Variants in SLC39A14 observed in about 807,000 individuals in gnomAD.
SLC39A14 encodes solute carrier family 39 member 14.
Under a neutral mutation model 45.5 loss-of-function variants are expected in SLC39A14, and 19 were observed. That is an observed-to-expected ratio of 0.42 (90% confidence interval 0.29 to 0.61). SLC39A14 has a LOEUF of 0.61. Ranked by LOEUF, SLC39A14 falls within the 20% of genes least tolerant of loss-of-function variation. The probability of loss-of-function intolerance (pLI) is 0.22; values close to 1 mark genes in which losing one functional copy is unlikely to be tolerated. For synonymous variants in SLC39A14, 264 were observed against 251.3 expected, an observed-to-expected ratio of 1.05 and a Z score of -0.48; for missense variants, 447 against 616.5, an observed-to-expected ratio of 0.73 and a Z score of 2.91.
chr8:22,425,172 C>T (rs550678718), downstream of SLC39A14, among the ~76,000 whole-genome samples: 2 of 152,162 alleles, frequency 1.3e-5, no homozygotes, highest in East Asian at 3.9e-4. Flanking sequence ...TTACTCGGTC[C>T]ACCTTAATTT....
At chr8:22,419,276 C>T (rs930823329) in intron 8 of SLC39A14, among the ~76,000 whole-genome samples, 7 of 152,058 alleles carry the variant, frequency 4.6e-5, no homozygotes, top group South Asian at 2.1e-4. Context: ...CCTTGCCTTC[C>T]GGGTTCAAGC....
At chr8:22,371,083 C>T (rs1832902812) in intron 1 of SLC39A14, among the ~76,000 whole-genome samples, 1 of 152,200 alleles carries the variant, frequency 6.6e-6, no homozygotes, top group South Asian at 2.1e-4. Flanking sequence ...CTGGCAGAGG[C>T]AGAGACGCAG....
rs756167898 is a variant in SLC39A14 at position 22,404,805 on chromosome 8, C to T, written c.95C>T (p.Ser32Phe). Residue 32 changes from serine to phenylalanine, a missense_variant, in exon 2 of 9, where the codon TCC (serine) becomes TTC (phenylalanine). Ser to Phe is a radical substitution (Grantham distance 155, BLOSUM62 -2). This residue lies in a region of SLC39A14 where 342 missense variants were observed against 428.1 expected (regional missense o/e 0.80). Transcript: ENST00000381237. ...WRTTPEAHAS[S>F]LGAPAISAAS... ...ACCACCCCTGAGGCTCACGCTTCAT[C>T]CCTGGGTGCACCAGCTATCAGCGCT... 1.9e-6 allele frequency: 3 copies of T among 1,613,578 alleles called. No individual in the cohort carries two copies. The highest frequency in any genetic ancestry group is 1.1e-5 in the South Asian group (1 of 91,062).
intron 8 of SLC39A14, among the ~76,000 whole-genome samples, chr8:22,432,645 ATTTTT>A (rs35981745): frequency 1.8e-5 from 2 of 114,078 alleles, no homozygotes. Flanking sequence ...TGCCCGGCTA[ATTTTT>A]TTTTTTTTTT....
At chr8:22,423,484 C>T (rs943794685), downstream of SLC39A14, among the ~76,000 whole-genome samples, 21 of 151,940 alleles carry the variant, frequency 1.4e-4, 1 homozygote, top group Admixed American at 3.9e-4. Context: ...TACAGGTGCC[C>T]GCCACCACGC....
intron 8 of SLC39A14, among the ~76,000 whole-genome samples, chr8:22,433,641 C>G (rs60409707): frequency 6.6e-6 from 1 of 151,068 alleles, no homozygotes; most frequent in African/African-American, 2.4e-5. Flanking sequence ...CCTCAGAGAC[C>G]GCCCACCTCA....
intron 1 of SLC39A14, among the ~76,000 whole-genome samples, chr8:22,374,834 C>CT (rs984226727): frequency 2.0e-5 from 3 of 150,638 alleles, no homozygotes; most frequent in African/African-American, 7.4e-5. Flanking sequence ...GAAACCTCCC[C>CT]TCCTGAGCTC....
At chr8:22,394,208 T>C (rs2132254325) in intron 1 of SLC39A14, among the ~76,000 whole-genome samples, 1 of 152,092 alleles carries the variant, frequency 6.6e-6, no homozygotes, top group South Asian at 2.1e-4. Flanking sequence ...GGTTTCACCA[T>C]GTTGGCCAGG....
chr8:22,415,749 C>T lies in SLC39A14; in HGVS notation c.751-20C>T, dbSNP rs374669102. On this transcript the variant is annotated intron_variant, in intron 5 of 8. Coordinates refer to ENST00000381237, the MANE Select transcript of SLC39A14 (RefSeq NM_001128431.4). ...GGTTTTGGTGAATGTCATGCTGATC[C>T]CTCCCTGTCACCCTTCCAGCATCAT... is the stretch of plus-strand genomic sequence containing the variant. The T allele has an allele frequency of 9.4e-6, 15 of 1,602,456 alleles. No individual in the cohort carries two copies. The African/African-American group carries it at 1.8e-4, about 19-fold the overall frequency.
chr8:22,368,973 A>G (rs776075878), intron 1 of SLC39A14, among the ~76,000 whole-genome samples: 1 of 152,164 alleles, frequency 6.6e-6, no homozygotes, highest in Non-Finnish European at 1.5e-5. Flanking sequence ...CACCCCAAGG[A>G]TATACATCCT....
chr8:22,388,245 A>G (rs762483160), intron 1 of SLC39A14, among the ~76,000 whole-genome samples: 16 of 152,266 alleles, frequency 1.1e-4, no homozygotes, highest in East Asian at 7.7e-4. Context: ...AGGTGGTGCT[A>G]TGTCCTGCAG....
At chr8:22,405,891 C>G (rs752011583) in intron 2 of SLC39A14, among the ~76,000 whole-genome samples, 7 of 152,134 alleles carry the variant, frequency 4.6e-5, no homozygotes, top group Non-Finnish European at 1.0e-4. Context: ...CTTTATATAT[C>G]GACTTTGTTC....
At position 22,422,556 on chromosome 8, in the gene SLC39A14, C is replaced by T; in HGVS notation, c.*2858C>T. ...ATTTCCCTTTACAGTTCTGCAGTTC[C>T]ATCACAGTATTTTTTTAAATAACTC... is the stretch of plus-strand genomic sequence containing the variant. On this transcript the variant is annotated 3_prime_UTR_variant, in exon 9 of 9. Coordinates refer to ENST00000381237, the MANE Select transcript of SLC39A14 (RefSeq NM_001128431.4). The T allele has an allele frequency of 2.0e-6, 2 of 985,184 alleles. No individual in the cohort carries two copies. Among genetic ancestry groups the T allele is most frequent in the South Asian group, 4.7e-5 (1 of 21,262 alleles). 61.0% of individuals were successfully genotyped at this position (985,184 alleles called of 1,614,324 possible). A position where few individuals can be genotyped will look rare whatever the true frequency, so the allele number is the denominator to read the frequency against.
chr8:22,385,786 C>T lies in SLC39A14; in HGVS notation c.-16+18378C>T, dbSNP rs1833760677. 2.0e-5 allele frequency among the ~76,000 whole-genome samples: 3 copies of T among 151,950 alleles called. No homozygotes were observed. The South Asian group carries it at 6.2e-4, about 32-fold the overall frequency. ...ATGAGGTGGGGGGATTGTTTGAGGC[C>T]AGGAGTTCAGGAGCAGCCTGGGCAA... On this transcript the variant is annotated intron_variant, in intron 1 of 8. Transcript: ENST00000381237.
intron 1 of SLC39A14, among the ~76,000 whole-genome samples, chr8:22,375,650 C>T (rs762202576): frequency 3.9e-5 from 6 of 151,960 alleles, no homozygotes; most frequent in Non-Finnish European, 7.4e-5. Context: ...CCACCATGCC[C>T]GGCTAATTTT....
chr8:22,418,224 T>G (rs975309494), intron 8 of SLC39A14, among the ~76,000 whole-genome samples: 2 of 152,194 alleles, frequency 1.3e-5, no homozygotes, highest in Non-Finnish European at 2.9e-5. Flanking sequence ...TTTAATAACA[T>G]CTTCCTTAGC....
At chr8:22,397,549 G>T (rs528683763) in intron 1 of SLC39A14, among the ~76,000 whole-genome samples, 6 of 152,040 alleles carry the variant, frequency 3.9e-5, no homozygotes, top group East Asian at 1.9e-4. Context: ...CTGCACTCCG[G>T]CCTGGGCGAA....
At chr8:22,416,585 C>T (rs562063968) in intron 7 of SLC39A14, among the ~76,000 whole-genome samples, 85 of 151,538 alleles carry the variant, frequency 5.6e-4, no homozygotes, top group Non-Finnish European at 8.5e-4. Context: ...CCACCACACT[C>T]GGCTAAATTT....
Position 22,422,282 on chromosome 8 carries a change from C to G in SLC39A14, c.*2584C>G. 2 of 985,670 alleles carry G rather than the reference C, an allele frequency of 2.0e-6. No homozygotes were observed. The highest frequency in any genetic ancestry group is 2.4e-6 in the Non-Finnish European group (2 of 829,954). The allele number at this position is 985,670 out of a possible 1,614,324, so 61.1% of individuals were successfully genotyped here. A position where few individuals can be genotyped will look rare whatever the true frequency, so the allele number is the denominator to read the frequency against. On this transcript the variant is annotated 3_prime_UTR_variant, in exon 9 of 9. Transcript: ENST00000381237. ...GGCAGGGACAGGGGTTCTGCTCCTT[C>G]TCACTTCACCACCGGCACACAGCTT...
Sources: allele counts gnomAD v4.1 joint callset (sites outside exome capture counted in the v4.1 genomes callset), GRCh38; gene constraint gnomAD v4.1.1; regional missense constraint gnomAD v4.1.1; transcripts MANE v1.5; gene names NCBI Gene and HGNC (gene_info 2026-07-23, HGNC 2026-07-21).